NIM1K: variants seen among roughly 807,000 people sequenced by gnomAD.
NIM1K encodes the protein NIM1 serine/threonine protein kinase.
A neutral mutation model predicts 37.1 loss-of-function variants in NIM1K; 35 were observed. That is an observed-to-expected ratio of 0.94 (90% confidence interval 0.72 to 1.25). The LOEUF is 1.25. Among genes scored for constraint, NIM1K ranks in the 50% most tolerant of loss-of-function variants. NIM1K has a pLI of 0.00. For synonymous variants in NIM1K, 234 were observed against 206.6 expected, an observed-to-expected ratio of 1.13 and a Z score of -1.14; for missense variants, 564 against 548.0, an observed-to-expected ratio of 1.03 and a Z score of -0.29.
At chr5:43,249,194 C>T (rs998094766) in intron 2 of NIM1K, among the ~76,000 whole-genome samples, 2 of 151,902 alleles carry the variant, frequency 1.3e-5, no homozygotes, top group East Asian at 1.9e-4. Flanking sequence ...CTCAGCTTCC[C>T]GAGTAGCTGG....
At chr5:43,200,591 C>A (rs116928902) in intron 1 of NIM1K, among the ~76,000 whole-genome samples, 3 of 152,094 alleles carry the variant, frequency 2.0e-5, no homozygotes, top group Non-Finnish European at 4.4e-5. Context: ...TGAGCCACTG[C>A]GCCCGGCCAG....
chr5:43,192,962 T>TCCCTCCAC (rs1350281658), intron 1 of NIM1K: 3 of 152,214 alleles, frequency 2.0e-5, no homozygotes. Context: ...AACTGACATC[T>TCCCTCCAC]AACGCATGTG....
chr5:43,259,172 G>T (rs959157496), intron 2 of NIM1K, among the ~76,000 whole-genome samples: 2 of 152,156 alleles, frequency 1.3e-5, no homozygotes, highest in African/African-American at 2.4e-5. Context: ...TGACACTTAG[G>T]TTGGTTCCAG....
At chr5:43,227,809 G>GT (rs1430712597) in intron 1 of NIM1K, among the ~76,000 whole-genome samples, 1 of 152,176 alleles carries the variant, frequency 6.6e-6, no homozygotes, top group South Asian at 2.1e-4. Flanking sequence ...GGACTTAAGG[G>GT]TTTTTTTCAC....
chr5:43,268,351 G>C (rs1445620122), intron 2 of NIM1K, among the ~76,000 whole-genome samples: 1 of 152,140 alleles, frequency 6.6e-6, no homozygotes, highest in Non-Finnish European at 1.5e-5. Flanking sequence ...TCTCATCAAA[G>C]GCTTGTTGGT....
chr5:43,239,236 T>C (rs1752662816), intron 1 of NIM1K, among the ~76,000 whole-genome samples: 2 of 151,988 alleles, frequency 1.3e-5, no homozygotes, highest in Admixed American at 1.3e-4. Flanking sequence ...TCTCTTATTT[T>C]TATTTATTTA....
At chr5:43,263,307 G>A (rs1753065656) in intron 2 of NIM1K, among the ~76,000 whole-genome samples, 1 of 152,128 alleles carries the variant, frequency 6.6e-6, no homozygotes, top group Admixed American at 6.6e-5. Context: ...GGTCTATTCA[G>A]GGATTCAACT....
At chr5:43,222,341 G>A (rs758110140) in intron 1 of NIM1K, among the ~76,000 whole-genome samples, 3 of 152,182 alleles carry the variant, frequency 2.0e-5, no homozygotes, top group African/African-American at 2.4e-5. Flanking sequence ...AGAGAGAGAA[G>A]AAAACTATTA....
intron 1 of NIM1K, among the ~76,000 whole-genome samples, chr5:43,237,909 T>C (rs1159168739): frequency 6.6e-6 from 1 of 152,186 alleles, no homozygotes; most frequent in Non-Finnish European, 1.5e-5. Context: ...TTTTACTTTA[T>C]TGGGAGCATA....
At chr5:43,241,767 TATG>T (rs1752706950) in intron 1 of NIM1K, among the ~76,000 whole-genome samples, 1 of 152,084 alleles carries the variant, frequency 6.6e-6, no homozygotes, top group African/African-American at 2.4e-5. Flanking sequence ...CCTGTCTGTT[TATG>T]ATACTTTTGG....
intron 1 of NIM1K, among the ~76,000 whole-genome samples, chr5:43,217,886 A>G (rs903742973): frequency 6.6e-6 from 1 of 151,194 alleles, no homozygotes; most frequent in African/African-American, 2.4e-5. Flanking sequence ...TAATTTTTGT[A>G]TTTTTAGTGG....
chr5:43,212,570 T>C (rs1341101533), intron 1 of NIM1K, among the ~76,000 whole-genome samples: 1 of 152,098 alleles, frequency 6.6e-6, no homozygotes, highest in Admixed American at 6.6e-5. Flanking sequence ...CAGGACTCCC[T>C]CATTCCTTCC....
intron 2 of NIM1K, among the ~76,000 whole-genome samples, chr5:43,271,713 A>G (rs952071386): frequency 2.0e-5 from 3 of 152,164 alleles, no homozygotes; most frequent in African/African-American, 7.2e-5. Context: ...TTTTAACTCT[A>G]TGGAATGTTA....
At chr5:43,239,002 C>T (rs1752659654) in intron 1 of NIM1K, among the ~76,000 whole-genome samples, 3 of 151,556 alleles carry the variant, frequency 2.0e-5, no homozygotes, top group Admixed American at 2.0e-4. Context: ...CAAACAGTTT[C>T]CATGATTTTG....
intron 2 of NIM1K, among the ~76,000 whole-genome samples, chr5:43,266,811 A>G (rs1009929843): frequency 6.6e-6 from 1 of 152,170 alleles, no homozygotes; most frequent in African/African-American, 2.4e-5. Context: ...CCATTTGATC[A>G]TGATGTATTA....
At chr5:43,265,129 T>A (rs760029078) in intron 2 of NIM1K, among the ~76,000 whole-genome samples, 8 of 152,226 alleles carry the variant, frequency 5.3e-5, no homozygotes, top group Non-Finnish European at 1.0e-4. Flanking sequence ...ATCTTTGTGA[T>A]GTTCTCTGCA....
At chr5:43,258,776 T>C (rs1189510786) in intron 2 of NIM1K, among the ~76,000 whole-genome samples, 4 of 152,096 alleles carry the variant, frequency 2.6e-5, no homozygotes, top group Non-Finnish European at 4.4e-5. Flanking sequence ...TTTTTACTTA[T>C]AAATTTTTTT....
intron 1 of NIM1K, chr5:43,232,883 C>T: frequency 8.8e-7 from 1 of 1,138,582 alleles, no homozygotes; most frequent in Non-Finnish European, 1.3e-6. Context: ...GAAGCATCTT[C>T]CTTGCCTGTG....
chr5:43,280,817 T>C lies in NIM1K; in HGVS notation c.*88T>C, dbSNP rs970717925. On this transcript the variant is annotated 3_prime_UTR_variant, in exon 4 of 4. Transcript: ENST00000326035. ...GACAACTTGAGTGGAGACATTTTTG[T>C]AATTTTTAAATAAACTTAAATTTGA... 1.6e-6 allele frequency: 2 copies of C among 1,272,404 alleles called. No individual in the cohort carries two copies. Among genetic ancestry groups the C allele is most frequent in the Non-Finnish European group, 1.1e-6 (1 of 938,204 alleles). The allele number at this position is 1,272,404 out of a possible 1,614,324, so 78.8% of individuals were successfully genotyped here.
Sources: allele counts gnomAD v4.1 joint callset (sites outside exome capture counted in the v4.1 genomes callset), GRCh38; gene constraint gnomAD v4.1.1; transcripts MANE v1.5; gene names NCBI Gene and HGNC (gene_info 2026-07-23, HGNC 2026-07-21).